The following HYDIN variants were observed in gnomAD, a reference collection of about 807,000 sequenced individuals.
The protein encoded by HYDIN is axonemal central pair apparatus protein HYDIN.
Under a neutral mutation model 403.9 loss-of-function variants are expected in HYDIN, and 132 were observed. That is an observed-to-expected ratio of 0.33 (90% confidence interval 0.28 to 0.38). HYDIN has a LOEUF of 0.38. Ranked by LOEUF, HYDIN falls within the 10% of genes least tolerant of loss-of-function variation. The probability of loss-of-function intolerance (pLI) is 1.00; values close to 1 mark genes in which losing one functional copy is unlikely to be tolerated. For missense variants in HYDIN, 2,827 were observed against 5,009.5 expected, an observed-to-expected ratio of 0.56 and a Z score of 13.15; for synonymous variants, 1,202 against 1,891.7, an observed-to-expected ratio of 0.64 and a Z score of 9.46.
At chr16:70,869,590 A>T in intron 65 of HYDIN, among the ~76,000 whole-genome samples, 1 of 137,056 alleles carries the variant, frequency 7.3e-6, no homozygotes, top group Admixed American at 7.4e-5. Flanking sequence ...CTTTTGCTTG[A>T]CTCTCATTTT....
intron 45 of HYDIN, among the ~76,000 whole-genome samples, chr16:70,933,251 T>A (rs1181252426): frequency 2.6e-5 from 4 of 152,040 alleles, no homozygotes; most frequent in African/African-American, 7.2e-5. Flanking sequence ...GGGCTCCTGG[T>A]TGGTCATGGG....
rs189899562 is a variant in HYDIN at position 70,806,614 on chromosome 16, C to T, written c.*966G>A. Among the ~76,000 whole-genome samples, 1 of 152,166 alleles carries T rather than the reference C, an allele frequency of 6.6e-6. No homozygotes were observed. Among genetic ancestry groups the T allele is most frequent in the African/African-American group, 2.4e-5 (1 of 41,418 alleles). On this transcript the variant is annotated 3_prime_UTR_variant, in exon 86 of 86. Coordinates refer to ENST00000393567, the MANE Select transcript of HYDIN (RefSeq NM_001270974.2). ...GACCCACTTCTTTACGGCATTCATT[C>T]CCAAGAGGCCATCTTCTTCCAGTCT...
At chr16:71,111,613 C>T (rs1355888160) in intron 10 of HYDIN, among the ~76,000 whole-genome samples, 1 of 151,500 alleles carries the variant, frequency 6.6e-6, no homozygotes, top group Non-Finnish European at 1.5e-5. Flanking sequence ...TGGCTCTGCA[C>T]ATCAGGAATG....
intron 19 of HYDIN, among the ~76,000 whole-genome samples, chr16:71,030,499 C>T (rs1481596014): frequency 2.0e-5 from 3 of 150,884 alleles, no homozygotes; most frequent in Non-Finnish European, 4.4e-5. Flanking sequence ...GTGGTACGAC[C>T]TTGGCTCACT....
chr16:71,208,106 C>G (rs994399459), intron 1 of HYDIN, among the ~76,000 whole-genome samples: 4 of 152,164 alleles, frequency 2.6e-5, no homozygotes, highest in African/African-American at 9.7e-5. Flanking sequence ...CCAAAGACAA[C>G]AGAATATACA....
chr16:70,963,590 G>A (rs369799789), intron 37 of HYDIN, among the ~76,000 whole-genome samples: 2 of 73,714 alleles, frequency 2.7e-5, no homozygotes, highest in African/African-American at 6.1e-5. Context: ...AGATTTGGGA[G>A]AAAAGAAACT....
intron 8 of HYDIN, among the ~76,000 whole-genome samples, chr16:71,134,154 A>G (rs2084820371): frequency 6.6e-6 from 1 of 152,140 alleles, no homozygotes; most frequent in South Asian, 2.1e-4. Context: ...TCAAGATACA[A>G]GAGGACAAGA....
At chr16:71,034,616 G>T (rs1428745706) in intron 18 of HYDIN, among the ~76,000 whole-genome samples, 2 of 152,096 alleles carry the variant, frequency 1.3e-5, no homozygotes, top group Admixed American at 1.3e-4. Context: ...GAGGACAAAT[G>T]TAAGACAGAG....
rs1018758702 is a variant in HYDIN, at chr16:70,920,950, G to A, written c.7426C>T (p.Arg2476Trp). 7 of 1,612,048 alleles carry A rather than the reference G, an allele frequency of 4.3e-6. No individual in the cohort carries two copies. The highest frequency in any genetic ancestry group is 1.1e-5 in the South Asian group (1 of 90,846). ...DVQNILMYWD[R>W]KQGVQLPPAG... ...GGAGGCAGCTGGACTCCTTGCTTCC[G>A]GTCCCAGTACATGAGGATGTTCTGG... Residue 2476 changes from arginine to tryptophan, a missense_variant, in exon 46 of 86, where the codon CGG becomes TGG. Physicochemically the swap from Arg to Trp is moderately radical, Grantham distance 101 (BLOSUM62 -3). Transcript: ENST00000393567.
intron 21 of HYDIN, among the ~76,000 whole-genome samples, chr16:71,024,856 T>C (rs1180928180): frequency 6.6e-6 from 1 of 152,020 alleles, no homozygotes; most frequent in African/African-American, 2.4e-5. Flanking sequence ...ATTCTCCAGC[T>C]TAACCTGTAT....
chr16:70,995,584 A>G (rs1423457367), intron 23 of HYDIN, among the ~76,000 whole-genome samples: 1 of 152,096 alleles, frequency 6.6e-6, no homozygotes, highest in African/African-American at 2.4e-5. Flanking sequence ...CTTCACTGGA[A>G]GCAGTGTGGC....
At position 71,030,928 on chromosome 16, in the gene HYDIN, C is replaced by T. The variant is rs8049551; in HGVS notation, c.2768+751G>A. Among the ~76,000 whole-genome samples, 27 of 150,866 alleles carry T rather than the reference C, an allele frequency of 1.8e-4. No homozygotes were observed. In the East Asian group the frequency reaches 3.4e-3, roughly 19 times the overall value. ...TGCAAAAGCTGCTAGTGACCGGGCACGGTGGCTCATGCCTGTAATCCCAGC... is the reference window on the plus strand; with the variant it reads ...TGCAAAAGCTGCTAGTGACCGGGCATGGTGGCTCATGCCTGTAATCCCAGC... On this transcript the variant is annotated intron_variant, in intron 19 of 85. Coordinates refer to ENST00000393567, the MANE Select transcript of HYDIN (RefSeq NM_001270974.2).
chr16:71,069,746 C>G (rs1167334991), intron 13 of HYDIN, among the ~76,000 whole-genome samples: 3 of 152,184 alleles, frequency 2.0e-5, no homozygotes, highest in Non-Finnish European at 4.4e-5. Context: ...TATGCATTTA[C>G]TATGTGGGAG....
intron 3 of HYDIN, 79 bp from the exon 4 acceptor site, chr16:71,179,126 G>C (rs2144650274): frequency 9.2e-7 from 1 of 1,085,022 alleles, no homozygotes; most frequent in East Asian, 2.4e-5. Flanking sequence ...ATACTACGTA[G>C]ACCTGTGGAT....
chr16:70,964,183 C>G (rs1378839785), intron 37 of HYDIN, among the ~76,000 whole-genome samples: 1 of 147,872 alleles, frequency 6.8e-6, no homozygotes, highest in South Asian at 2.3e-4. Context: ...CAGGACAGCT[C>G]TGCGATTGGA....
intron 18 of HYDIN, among the ~76,000 whole-genome samples, chr16:71,034,666 C>G (rs2081028762): frequency 6.6e-6 from 1 of 151,998 alleles, no homozygotes; most frequent in African/African-American, 2.4e-5. Flanking sequence ...TGAAAATCTA[C>G]ATGGGAAATA....
rs1428343452 is a variant in HYDIN at position 70,993,459 on chromosome 16, AC to A, written c.3645-1250del. 3.3e-5 allele frequency among the ~76,000 whole-genome samples: 5 copies of A among 152,090 alleles called. No homozygotes were observed. The East Asian group carries it at 9.7e-4, about 30-fold the overall frequency. ...GGAAACATGTACAAATTTGTGTCTGACTTCCTCTGTTTGGCATGATGTTTTT... is the reference window on the plus strand; with the variant it reads ...GGAAACATGTACAAATTTGTGTCTGATTCCTCTGTTTGGCATGATGTTTTT... On this transcript the variant is annotated intron_variant, in intron 23 of 85. Coordinates refer to ENST00000393567, the MANE Select transcript of HYDIN (RefSeq NM_001270974.2).
intron 5 of HYDIN, among the ~76,000 whole-genome samples, chr16:71,169,044 C>T (rs953853471): frequency 2.6e-5 from 4 of 152,190 alleles, no homozygotes; most frequent in African/African-American, 4.8e-5. Context: ...TGTGGAAGAG[C>T]TACCTGAACC....
At chr16:71,132,024 A>G (rs1389601482) in intron 8 of HYDIN, 3 of 147,124 alleles carry the variant, frequency 2.0e-5, no homozygotes, top group Non-Finnish European at 3.0e-5. Flanking sequence ...AGCAAAAGAA[A>G]AATACATACT....
Sources: allele counts gnomAD v4.1 joint callset (sites outside exome capture counted in the v4.1 genomes callset), GRCh38; gene constraint gnomAD v4.1.1; transcripts MANE v1.5; gene names NCBI Gene and HGNC (gene_info 2026-07-23, HGNC 2026-07-21).